The following UNC45B variants were observed in gnomAD, a reference collection of about 807,000 sequenced individuals.
UNC45B encodes unc-45 myosin chaperone B.
A neutral mutation model predicts 98.7 loss-of-function variants in UNC45B; 78 were observed. That is an observed-to-expected ratio of 0.79 (90% confidence interval 0.66 to 0.95). The LOEUF (loss-of-function observed/expected upper bound fraction) is 0.95, where lower values mean the gene tolerates loss of function less well. UNC45B is among the 40% of genes least tolerant of loss of function. The pLI is 0.00. For synonymous variants in UNC45B, 462 were observed against 480.4 expected (o/e 0.96, Z 0.50); for missense variants, 1,225 against 1,184.9 (o/e 1.03, Z -0.50).
rs750331860 is a variant in UNC45B, at chr17:35,168,142, C to T, written c.1233C>T (p.Asp411=). The change falls in exon 10 of 20, where the codon GAC becomes GAT. Residue 411 remains aspartate, a synonymous_variant. Transcript: ENST00000394570. ...TVSGILQGPF[D]LGNQLLGLKG... ...CAGGGATCCTGCAGGGCCCCTTTGA[C>T]CTGGGCAACCAGCTGCTGGGACTGA... 3.7e-6 allele frequency: 6 copies of T among 1,600,330 alleles called. No individual in the cohort carries two copies. The South Asian group carries it at 5.6e-5, about 15-fold the overall frequency.
rs546866249 is a variant in UNC45B at position 35,186,678 on chromosome 17, A to G, written c.*119A>G. On this transcript the variant is annotated 3_prime_UTR_variant, in exon 20 of 20. Transcript: ENST00000394570. ...ATAGCAGTGACAATGAAGTCTCAAT[A>G]TAAAGGAAAGACTTGATTGTTCTCT... The G allele has an allele frequency of 3.3e-6, 4 of 1,204,194 alleles. No homozygotes were observed. The highest frequency in any genetic ancestry group is 2.4e-5 in the East Asian group (1 of 41,722). The allele number at this position is 1,204,194 out of a possible 1,614,324, so 74.6% of individuals were successfully genotyped here.
intron 2 of UNC45B, 42 bp downstream of exon 2, chr17:35,148,473 G>A (rs768241706): frequency 1.9e-6 from 3 of 1,586,044 alleles, no homozygotes; most frequent in Non-Finnish European, 2.6e-6. Context: ...TGAGGCAGAG[G>A]GGCTTTGGGG....
At chr17:35,155,240 T>G (rs1173706223) in intron 6 of UNC45B, 56 bp from the exon 7 acceptor site, 1 of 1,593,578 alleles carries the variant, frequency 6.3e-7, no homozygotes, top group East Asian at 2.2e-5. Flanking sequence ...CTAACCTGCA[T>G]GGCAGCTAGA....
Position 35,154,595 on chromosome 17 carries a change from C to T in UNC45B, c.493C>T (p.Leu165=). ...REKAANNLIV[L]GREEAGAEKI... The stretch of plus-strand genomic sequence containing the variant: ...TCAGGCTGCCAACAATCTCATTGTC[C>T]TAGGCCGTGAGGAAGCAGGGGCTGA... The change falls in exon 6 of 20, where the codon CTA becomes TTA. Residue 165 remains leucine, a synonymous_variant. Coordinates refer to ENST00000394570, the MANE Select transcript of UNC45B (RefSeq NM_001267052.2). The T allele has an allele frequency of 1.2e-6, 2 of 1,613,538 alleles. No homozygotes were observed. The highest frequency in any genetic ancestry group is 1.7e-6 in the Non-Finnish European group (2 of 1,179,826).
At chr17:35,184,870 CA>C (rs1265587460) in intron 19 of UNC45B, among the ~76,000 whole-genome samples, 1 of 152,166 alleles carries the variant, frequency 6.6e-6, no homozygotes, top group Non-Finnish European at 1.5e-5. Flanking sequence ...TGTGCCACCC[CA>C]TGGCCATGTT....
intron 4 of UNC45B, 95 bp from the exon 5 acceptor site, chr17:35,152,798 G>A: frequency 1.1e-6 from 1 of 925,550 alleles, no homozygotes. Context: ...GGAGCCCAGA[G>A]TAGACACCTG....
chr17:35,186,749 ACT>A lies in UNC45B; in HGVS notation c.*199_*200del, dbSNP rs2142619296. The A allele has an allele frequency of 7.1e-6, 4 of 563,582 alleles. No homozygotes were observed. The highest frequency in any genetic ancestry group is 3.2e-5 in the East Asian group (1 of 31,212). The allele number at this position is 563,582 out of a possible 1,614,324, so 34.9% of individuals were successfully genotyped here. ...TGTCCTGACAGAGTTTGGATGTTTCACTCTCTCTCTTGCTTCCTGTCTCCTTA... is the reference window on the plus strand; with the variant it reads ...TGTCCTGACAGAGTTTGGATGTTTCACTCTCTCTTGCTTCCTGTCTCCTTA... On this transcript the variant is annotated 3_prime_UTR_variant, in exon 20 of 20. Coordinates refer to ENST00000394570, the MANE Select transcript of UNC45B (RefSeq NM_001267052.2).
At position 35,169,242 on chromosome 17, in the gene UNC45B, G is replaced by A. The variant is rs28447374; in HGVS notation, c.1453-595G>A. 5.3e-3 allele frequency among the ~76,000 whole-genome samples: 802 copies of A among 152,032 alleles called. 9 individuals carry two copies. The highest frequency in any genetic ancestry group is 0.018 in the African/African-American group (738 of 41,440). On this transcript the variant is annotated intron_variant, in intron 10 of 19. Transcript: ENST00000394570. The stretch of plus-strand genomic sequence containing the variant: ...TTTAGTAGAGATGGGGTTTTACCAC[G>A]TTGGCCAGGCTGGTCTCAAACTCCT...
rs372770744 is a variant in UNC45B, at chr17:35,186,591, C to T, written c.*32C>T. ...ACCCTCAGGGATGCTGGGAGTGGTC[C>T]TGTACTGTGCAGAGTCCTGGGTTGG... On this transcript the variant is annotated 3_prime_UTR_variant, in exon 20 of 20. Coordinates refer to ENST00000394570, the MANE Select transcript of UNC45B (RefSeq NM_001267052.2). 3 of 1,609,796 alleles carry T rather than the reference C, an allele frequency of 1.9e-6. No individual in the cohort carries two copies. In the African/African-American group the frequency reaches 4.0e-5, roughly 21 times the overall value.
chr17:35,175,079 GAAAGAA>G (rs148122046), intron 14 of UNC45B, among the ~76,000 whole-genome samples: 20,109 of 129,636 alleles, frequency 0.16, 1,671 homozygotes, highest in East Asian at 0.25. Flanking sequence ...AAGAAAGAAA[GAAAGAA>G]AGAGAAAGAA....
chr17:35,149,149 C>A, intron 3 of UNC45B, 140 bp downstream of exon 3: 1 of 1,036,824 alleles, frequency 9.6e-7, no homozygotes, highest in Non-Finnish European at 1.4e-6. Flanking sequence ...GGAGAAGGGA[C>A]TGGAAACATA....
chr17:35,165,167 G>T (rs999736747), intron 9 of UNC45B, among the ~76,000 whole-genome samples: 1 of 152,130 alleles, frequency 6.6e-6, no homozygotes, highest in African/African-American at 2.4e-5. Flanking sequence ...CCCAGCCATG[G>T]ACATATTTTA....
chr17:35,161,115 G>A (rs749424124), intron 8 of UNC45B, among the ~76,000 whole-genome samples: 3 of 152,176 alleles, frequency 2.0e-5, no homozygotes, highest in Admixed American at 6.5e-5. Flanking sequence ...AAACGTGAGC[G>A]TTAACAACAG....
rs2092317117 is a variant in UNC45B, at chr17:35,188,657, T to G, written c.*2098T>G. The stretch of plus-strand genomic sequence containing the variant: ...CCCAGGTAATTAAAAAATTTTTTTT[T>G]GTAGAGACAGGGTCTCACTATGTTG... On this transcript the variant is annotated 3_prime_UTR_variant, in exon 20 of 20. Coordinates refer to ENST00000394570, the MANE Select transcript of UNC45B (RefSeq NM_001267052.2). 1 of 152,144 alleles carries G rather than the reference T, an allele frequency of 6.6e-6. No homozygotes were observed. Among genetic ancestry groups the G allele is most frequent in the African/African-American group, 2.4e-5 (1 of 41,422 alleles). 9.4% of individuals were successfully genotyped at this position (152,144 alleles called of 1,614,324 possible).
In UNC45B at chr17:35,154,638, A is replaced by G; in HGVS notation, c.536A>G (p.Asn179Ser). ...GGGGCTGAGAAGATCTTCCAGAACA[A>G]TGGAGTAGCCTTGCTACTGCAGCTT... ...EAGAEKIFQN[N>S]GVALLLQLLD... Residue 179 changes from asparagine to serine, a missense_variant, in exon 6 of 20, where the codon AAT (asparagine) becomes AGT (serine). Transcript: ENST00000394570. The G allele has an allele frequency of 1.2e-6, 2 of 1,613,638 alleles. No homozygotes were observed. Among genetic ancestry groups the G allele is most frequent in the Non-Finnish European group, 1.7e-6 (2 of 1,179,864 alleles).
chr17:35,155,158 C>A, intron 6 of UNC45B, 138 bp from the exon 7 acceptor site: 1 of 1,035,694 alleles, frequency 9.7e-7, no homozygotes, highest in Non-Finnish European at 1.4e-6. Context: ...CAGAGGGGCC[C>A]ATGAGGCAAT....
chr17:35,173,443 T>C (rs530425543), intron 13 of UNC45B, among the ~76,000 whole-genome samples: 3 of 152,066 alleles, frequency 2.0e-5, no homozygotes, highest in African/African-American at 7.2e-5. Flanking sequence ...AAAAATCTTA[T>C]AGTTCTGGAG....
At chr17:35,181,683 C>G (rs1410082743) in intron 18 of UNC45B, among the ~76,000 whole-genome samples, 2 of 150,906 alleles carry the variant, frequency 1.3e-5, no homozygotes, top group East Asian at 2.0e-4. Context: ...CCCAGCTACT[C>G]GGGAGCCTGA....
At chr17:35,165,252 A>G (rs955237096) in intron 9 of UNC45B, among the ~76,000 whole-genome samples, 2 of 152,158 alleles carry the variant, frequency 1.3e-5, no homozygotes, top group Non-Finnish European at 2.9e-5. Context: ...TTCTTTCAAG[A>G]CTAAGACTCA....
Sources: gnomAD v4.1 joint callset for allele counts (sites outside exome capture counted in the v4.1 genomes callset) on GRCh38, gnomAD v4.1.1 for gene constraint, MANE v1.5 for transcripts, NCBI Gene and HGNC (gene_info 2026-07-23, HGNC 2026-07-21) for gene names.